ACVR2B: variants seen among roughly 807,000 people sequenced by gnomAD.
ACVR2B encodes activin A receptor type 2B.
Under a neutral mutation model 65.1 loss-of-function variants are expected in ACVR2B, and 18 were observed. The observed-to-expected ratio is 0.28, with a 90% CI of 0.19 to 0.41. ACVR2B has a LOEUF of 0.41. Among genes scored for constraint, ACVR2B ranks in the 10% least tolerant of loss-of-function variants. The probability of loss-of-function intolerance (pLI) is 1.00; values close to 1 mark genes in which losing one functional copy is unlikely to be tolerated. For missense variants in ACVR2B, 482 were observed against 682.7 expected (o/e 0.71, Z 3.28); for synonymous variants, 298 against 277.7 (o/e 1.07, Z -0.73).
chr3:38,469,795 A>G lies in ACVR2B; in HGVS notation c.53-7492A>G, dbSNP rs993204021. 1.1e-4 allele frequency among the ~76,000 whole-genome samples: 16 copies of G among 152,364 alleles called. 1 individual carries two copies. In the South Asian group the frequency reaches 3.3e-3, roughly 32 times the overall value. ...TAAAACCACATGAGGAAACAGTACC[A>G]TGAATAAAGTCAGAAATAACAAATG... On this transcript the variant is annotated intron_variant, in intron 1 of 10. Coordinates refer to ENST00000352511, the MANE Select transcript of ACVR2B (RefSeq NM_001106.4).
rs1709926632 is a variant in ACVR2B, at chr3:38,477,208, G to A, written c.53-79G>A. Reference sequence around the variant, plus strand: ...CGGCCTCCCTCCCTCAGGGTGGCCTGGCACCCAGGACTGGGAGTAGGGGTT... The same window carrying A: ...CGGCCTCCCTCCCTCAGGGTGGCCTAGCACCCAGGACTGGGAGTAGGGGTT... On this transcript the variant is annotated intron_variant, in intron 1 of 10. Coordinates refer to ENST00000352511, the MANE Select transcript of ACVR2B (RefSeq NM_001106.4). The surrounding 1 kb of genome is among the most constrained non-coding windows in gnomAD (Gnocchi z 6.7). The A allele has an allele frequency of 6.4e-7, 1 of 1,552,428 alleles. No homozygotes were observed. The highest frequency in any genetic ancestry group is 8.8e-7 in the Non-Finnish European group (1 of 1,135,318).
chr3:38,483,791 C>T lies in ACVR2B; in HGVS notation c.*459C>T, dbSNP rs995002447. On this transcript the variant is annotated 3_prime_UTR_variant, in exon 11 of 11. Transcript: ENST00000352511. The surrounding 1 kb of genome is among the most constrained non-coding windows in gnomAD (Gnocchi z 4.8). ...AGACTGTTACATAAGAACATACCTT[C>T]CTCAGAAGAGGAGTTTCCTCTGCCC... is the stretch of plus-strand genomic sequence containing the variant. 3 of 153,704 alleles carry T rather than the reference C, an allele frequency of 2.0e-5. No homozygotes were observed. The highest frequency in any genetic ancestry group is 4.4e-5 in the Non-Finnish European group (3 of 68,722). The allele number at this position is 153,704 out of a possible 1,614,324, so 9.5% of individuals were successfully genotyped here.
At chr3:38,468,598 T>C (rs1050421609) in intron 1 of ACVR2B, among the ~76,000 whole-genome samples, 62 of 152,224 alleles carry the variant, frequency 4.1e-4, no homozygotes, top group African/African-American at 1.3e-3. Flanking sequence ...TAACCAACTC[T>C]TCTGTCTTTA....
chr3:38,459,130 G>A (rs1357140293), intron 1 of ACVR2B, among the ~76,000 whole-genome samples: 1 of 152,154 alleles, frequency 6.6e-6, no homozygotes, highest in Non-Finnish European at 1.5e-5. Context: ...TAGGGGTAAC[G>A]GCTTTTGAGT....
chr3:38,455,144 T>G (rs34625211), intron 1 of ACVR2B, among the ~76,000 whole-genome samples: 1 of 152,118 alleles, frequency 6.6e-6, no homozygotes, highest in Admixed American at 6.5e-5. Flanking sequence ...GGCCAGCGCA[T>G]GTGTGTTTGG....
intron 1 of ACVR2B, among the ~76,000 whole-genome samples, chr3:38,466,795 G>A (rs867588193): frequency 6.6e-6 from 1 of 152,058 alleles, no homozygotes; most frequent in Non-Finnish European, 1.5e-5. Context: ...GAGCCACCAC[G>A]CCCGGCCTAC....
chr3:38,456,964 T>C (rs1428354756), intron 1 of ACVR2B, among the ~76,000 whole-genome samples: 1 of 152,200 alleles, frequency 6.6e-6, no homozygotes, highest in Non-Finnish European at 1.5e-5. Flanking sequence ...CCCAGCACTT[T>C]GGGAGGCTGA....
At chr3:38,470,826 C>T (rs1197830362) in intron 1 of ACVR2B, among the ~76,000 whole-genome samples, 5 of 151,860 alleles carry the variant, frequency 3.3e-5, no homozygotes, top group South Asian at 4.1e-4. Context: ...TAGCTTACAA[C>T]GGAATAGGAA....
chr3:38,454,264 G>C lies in ACVR2B; in HGVS notation c.-59G>C. 1.7e-6 allele frequency: 2 copies of C among 1,191,624 alleles called. No individual in the cohort carries two copies. Among genetic ancestry groups the C allele is most frequent in the South Asian group, 6.5e-5 (2 of 30,874 alleles). 73.8% of individuals were successfully genotyped at this position (1,191,624 alleles called of 1,614,324 possible). ...CCGCCGCCTGGCCCTGCGCGCCCCG[G>C]GAGCGCCGTGCGGCCCTGCCCGCGG... On this transcript the variant is annotated 5_prime_UTR_variant, in exon 1 of 11. Coordinates refer to ENST00000352511, the MANE Select transcript of ACVR2B (RefSeq NM_001106.4).
At chr3:38,479,946 G>GT in intron 7 of ACVR2B, 120 bp downstream of exon 7, 1 of 1,336,412 alleles carries the variant, frequency 7.5e-7, no homozygotes, top group Middle Eastern at 2.4e-4. Flanking sequence ...TGCTTGCTGT[G>GT]TGTCCGAGGC....
chr3:38,482,812 A>C (rs895723410), intron 10 of ACVR2B, among the ~76,000 whole-genome samples: 16 of 152,160 alleles, frequency 1.1e-4, no homozygotes, highest in African/African-American at 3.9e-4. Context: ...TTTTGTTTGA[A>C]TATCAGCACT....
intron 1 of ACVR2B, among the ~76,000 whole-genome samples, chr3:38,472,907 A>G (rs1461351393): frequency 2.0e-5 from 3 of 152,110 alleles, no homozygotes; most frequent in Non-Finnish European, 4.4e-5. Flanking sequence ...TTCATAGGAG[A>G]AACGAACCTC....
intron 1 of ACVR2B, among the ~76,000 whole-genome samples, chr3:38,467,429 G>A: frequency 6.6e-6 from 1 of 150,416 alleles, no homozygotes. Context: ...GGCAACAAGA[G>A]CGAAACTCTG....
intron 1 of ACVR2B, among the ~76,000 whole-genome samples, chr3:38,471,256 TACAA>T (rs995433872): frequency 5.9e-5 from 9 of 152,144 alleles, no homozygotes; most frequent in African/African-American, 1.9e-4. Context: ...TGAGAAAAGA[TACAA>T]ACAAACAGTT....
chr3:38,464,491 A>G (rs1709698366), intron 1 of ACVR2B, among the ~76,000 whole-genome samples: 1 of 152,248 alleles, frequency 6.6e-6, no homozygotes, highest in South Asian at 2.1e-4. Flanking sequence ...CTCTGGTTGA[A>G]GGCATTGTAT....
At chr3:38,456,168 A>G (rs762317) in intron 1 of ACVR2B, among the ~76,000 whole-genome samples, 64,024 of 152,114 alleles carry the variant, frequency 0.42, 15,855 homozygotes, top group Non-Finnish European at 0.57. Context: ...GAGTCACACT[A>G]TAAGGACCTG....
intron 1 of ACVR2B, among the ~76,000 whole-genome samples, chr3:38,464,587 T>C (rs1438400036): frequency 2.6e-5 from 4 of 152,170 alleles, no homozygotes; most frequent in Non-Finnish European, 5.9e-5. Flanking sequence ...TTGAGTCTGT[T>C]TTTAGTCATA....
chr3:38,492,890 C>G lies in ACVR2B; in HGVS notation c.*9558C>G, dbSNP rs1389893652. ...TTGGAAAGAACATTGTATCATAGTT[C>G]ATTCATTTGCAGTGGATCTTTGTTC... is the stretch of plus-strand genomic sequence containing the variant. On this transcript the variant is annotated 3_prime_UTR_variant, in exon 11 of 11. Transcript: ENST00000352511. 2 of 152,182 alleles carry G rather than the reference C, an allele frequency of 1.3e-5. No individual in the cohort carries two copies. Among genetic ancestry groups the G allele is most frequent in the East Asian group, 1.9e-4 (1 of 5,166 alleles). The allele number at this position is 152,182 out of a possible 1,614,324, so 9.4% of individuals were successfully genotyped here. A position where few individuals can be genotyped will look rare whatever the true frequency, so the allele number is the denominator to read the frequency against.
At chr3:38,465,354 C>T (rs1428532654) in intron 1 of ACVR2B, among the ~76,000 whole-genome samples, 1 of 145,236 alleles carries the variant, frequency 6.9e-6, no homozygotes, top group Non-Finnish European at 1.5e-5. Flanking sequence ...GCTGAAATCG[C>T]ACCACTGCCC....
Sources: allele counts gnomAD v4.1 joint callset (sites outside exome capture counted in the v4.1 genomes callset), GRCh38; gene constraint gnomAD v4.1.1; non-coding constraint Gnocchi (gnomAD v3.1); transcripts MANE v1.5; gene names NCBI Gene and HGNC (gene_info 2026-07-23, HGNC 2026-07-21).